Variants in CSMD3 observed in about 807,000 individuals in gnomAD.
CSMD3 encodes CUB and Sushi multiple domains 3, also known as CUB and sushi domain-containing protein 3.
A neutral mutation model predicts 435.2 loss-of-function variants in CSMD3; 177 were observed. That is an observed-to-expected ratio of 0.41 (90% confidence interval 0.36 to 0.46). The LOEUF is 0.46. Among genes scored for constraint, CSMD3 ranks in the 20% least tolerant of loss-of-function variants. The pLI is 0.34. For synonymous variants in CSMD3, 1,656 were observed against 1,520.5 expected (o/e 1.09, Z -2.07); for missense variants, 4,265 against 4,504.6 (o/e 0.95, Z 1.52).
chr8:112,556,687 G>A (rs1040386902), intron 25 of CSMD3, 76 bp downstream of exon 25: 1 of 1,218,594 alleles, frequency 8.2e-7, no homozygotes, highest in Non-Finnish European at 1.2e-6. Flanking sequence ...AGGACAGAAA[G>A]AATTTCTTAA....
intron 11 of CSMD3, among the ~76,000 whole-genome samples, chr8:112,836,844 T>C (rs1375920800): frequency 6.6e-6 from 1 of 151,770 alleles, no homozygotes; most frequent in African/African-American, 2.4e-5. Context: ...TTTAATAAAT[T>C]CTCAGTTTAA....
At chr8:112,582,189 C>T (rs576673067) in intron 23 of CSMD3, among the ~76,000 whole-genome samples, 23 of 151,908 alleles carry the variant, frequency 1.5e-4, no homozygotes, top group Non-Finnish European at 2.8e-4. Flanking sequence ...GGATTAAAAG[C>T]GTGGAACCTG....
At chr8:113,138,359 T>G (rs2131717835) in intron 4 of CSMD3, among the ~76,000 whole-genome samples, 1 of 151,584 alleles carries the variant, frequency 6.6e-6, no homozygotes, top group Non-Finnish European at 1.5e-5. Context: ...ACAGATTAAT[T>G]GTCCTTAGCT....
intron 5 of CSMD3, among the ~76,000 whole-genome samples, chr8:113,078,074 C>T (rs2131438466): frequency 6.6e-6 from 1 of 152,202 alleles, no homozygotes; most frequent in East Asian, 1.9e-4. Context: ...AACATCCTGG[C>T]AAAATCAGGC....
At chr8:112,638,663 C>G (rs1334248299) in intron 21 of CSMD3, 33 bp downstream of exon 21, 5 of 1,308,428 alleles carry the variant, frequency 3.8e-6, no homozygotes, top group Non-Finnish European at 4.4e-6. Flanking sequence ...TTAAAAGTTA[C>G]TGAATGAGCC....
chr8:113,198,563 C>T (rs142015008), intron 3 of CSMD3, among the ~76,000 whole-genome samples: 1 of 151,310 alleles, frequency 6.6e-6, no homozygotes, highest in East Asian at 1.9e-4. Context: ...CATACACTAA[C>T]TCAGAAGGGT....
chr8:113,110,628 C>T (rs1325582973), intron 4 of CSMD3, among the ~76,000 whole-genome samples: 3 of 152,120 alleles, frequency 2.0e-5, no homozygotes, highest in African/African-American at 4.8e-5. Flanking sequence ...TCTACATCTC[C>T]CCTCTTCTCT....
intron 18 of CSMD3, among the ~76,000 whole-genome samples, chr8:112,651,924 A>G (rs16883931): frequency 0.3 from 45,442 of 151,914 alleles, 6,870 homozygotes; most frequent in East Asian, 0.36. Flanking sequence ...CTCATTGAAA[A>G]GCATCATGTC....
chr8:112,395,803 A>G (rs1052211097), intron 35 of CSMD3, among the ~76,000 whole-genome samples: 1 of 152,176 alleles, frequency 6.6e-6, no homozygotes, highest in Admixed American at 6.5e-5. Flanking sequence ...AAGAAATGTG[A>G]AATGTAACAA....
At chr8:113,148,146 A>T (rs182900091) in intron 4 of CSMD3, among the ~76,000 whole-genome samples, 1 of 151,746 alleles carries the variant, frequency 6.6e-6, no homozygotes, top group African/African-American at 2.4e-5. Flanking sequence ...TTTTATATCC[A>T]TATCTTCCAT....
chr8:112,393,489 C>T (rs149466709), intron 35 of CSMD3, among the ~76,000 whole-genome samples: 5 of 152,208 alleles, frequency 3.3e-5, no homozygotes, highest in South Asian at 4.1e-4. Context: ...ACTATGCTTC[C>T]GTATTATTTT....
At chr8:112,319,862 A>T in intron 46 of CSMD3, 39 bp downstream of exon 46, 2 of 1,392,852 alleles carry the variant, frequency 1.4e-6, no homozygotes, top group South Asian at 2.3e-5. Flanking sequence ...TAGTTCTGCC[A>T]GCAGTATGTT....
intron 10 of CSMD3, among the ~76,000 whole-genome samples, chr8:112,873,012 G>T (rs1171064756): frequency 2.0e-5 from 3 of 151,962 alleles, no homozygotes; most frequent in African/African-American, 7.2e-5. Flanking sequence ...TTCTACAAAA[G>T]ATTCAGTTTC....
rs1451268941 is a variant in CSMD3 at position 112,291,824 on chromosome 8, A to C, written c.8789-129T>G. On this transcript the variant is annotated intron_variant, in intron 55 of 70. Transcript: ENST00000297405. The stretch of plus-strand genomic sequence containing the variant: ...TTCAAACAACCAGATTCCAATAATA[A>C]AATTAATCCCATGGATTATCTAGAA... 10 of 646,822 alleles carry C rather than the reference A, an allele frequency of 1.5e-5. No homozygotes were observed. In the East Asian group the frequency reaches 2.5e-4, roughly 16 times the overall value. 40.1% of individuals were successfully genotyped at this position (646,822 alleles called of 1,614,324 possible).
intron 27 of CSMD3, among the ~76,000 whole-genome samples, chr8:112,522,122 T>G (rs1473583772): frequency 6.6e-6 from 1 of 151,816 alleles, no homozygotes; most frequent in African/African-American, 2.4e-5. Context: ...GAAATACATT[T>G]GCTATGACAA....
intron 38 of CSMD3, among the ~76,000 whole-genome samples, chr8:112,379,054 CTAAAAA>C (rs1255394358): frequency 6.6e-6 from 1 of 151,880 alleles, no homozygotes; most frequent in African/African-American, 2.4e-5. Context: ...TTTCTATATA[CTAAAAA>C]TAAACTATCC....
chr8:112,424,907 G>T (rs1411535153), intron 32 of CSMD3, among the ~76,000 whole-genome samples: 3 of 152,154 alleles, frequency 2.0e-5, no homozygotes, highest in African/African-American at 4.8e-5. Flanking sequence ...GGCCAGGAGG[G>T]TCTCTATCTC....
rs747001430 is a variant in CSMD3 at position 112,390,786 on chromosome 8, G to A, written c.5812C>T (p.Pro1938Ser). 6.2e-7 allele frequency: 1 copy of A among 1,613,366 alleles called. No homozygotes were observed. The highest frequency in any genetic ancestry group is 8.5e-7 in the Non-Finnish European group (1 of 1,179,446). Residue 1938 changes from proline to serine, a missense_variant and splice_region_variant, in exon 36 of 71, where the codon CCC (proline) becomes TCC (serine). Transcript: ENST00000297405. ...CGCTTAGTTAAAATTCCACCACAGG[G>A]CACTGAAAATAAAGCAGTCCAAGAG... ...WNDSLPTCIV[P>S]CGGILTKRKG...
At chr8:112,454,737 T>C (rs1162869843) in intron 32 of CSMD3, among the ~76,000 whole-genome samples, 1 of 152,120 alleles carries the variant, frequency 6.6e-6, no homozygotes, top group African/African-American at 2.4e-5. Flanking sequence ...ATTCCTGTAA[T>C]TTCAACACTT....
Sources: gnomAD v4.1 joint callset for allele counts (sites outside exome capture counted in the v4.1 genomes callset) on GRCh38, gnomAD v4.1.1 for gene constraint, MANE v1.5 for transcripts, NCBI Gene and HGNC (gene_info 2026-07-23, HGNC 2026-07-21) for gene names.